EPB41L4A: variants seen among roughly 807,000 people sequenced by gnomAD.
EPB41L4A encodes the protein band 4.1-like protein 4A.
EPB41L4A carries 100 observed loss-of-function variants against 108.6 expected under a neutral mutation model. That is an observed-to-expected ratio of 0.92 (90% CI 0.78 to 1.09). EPB41L4A has a LOEUF of 1.09. EPB41L4A is among the 50% of genes least tolerant of loss of function. The pLI is 0.00. For missense variants in EPB41L4A, 1,030 were observed against 842.7 expected (o/e 1.22, Z -2.75); for synonymous variants, 319 against 289.0 (o/e 1.10, Z -1.05).
chr5:112,300,208 T>G (rs1020376632), intron 2 of EPB41L4A, among the ~76,000 whole-genome samples: 2 of 148,716 alleles, frequency 1.3e-5, no homozygotes, highest in Non-Finnish European at 1.5e-5. Context: ...CTGTATACCT[T>G]GTTTTTTCTT....
At chr5:112,346,476 C>A (rs947325353) in intron 1 of EPB41L4A, among the ~76,000 whole-genome samples, 5 of 152,138 alleles carry the variant, frequency 3.3e-5, no homozygotes, top group South Asian at 4.2e-4. Context: ...CCCACCTTAG[C>A]CTTCCAAAGT....
In EPB41L4A at chr5:112,336,816, G is replaced by A. The variant is rs559868349; in HGVS notation, c.100-29326C>T. Among the ~76,000 whole-genome samples the A allele has an allele frequency of 2.6e-5, 4 of 152,262 alleles. No homozygotes were observed. The South Asian group carries it at 6.2e-4, about 24-fold the overall frequency. On this transcript the variant is annotated intron_variant, in intron 1 of 22. Coordinates refer to ENST00000261486, the MANE Select transcript of EPB41L4A (RefSeq NM_022140.5). Reference sequence around the variant, plus strand: ...TTTCAGAATTGACAAATGTCCTAGAGGTATTTGGGGTCAATTACATGTCTT... The same window carrying A: ...TTTCAGAATTGACAAATGTCCTAGAAGTATTTGGGGTCAATTACATGTCTT...
At chr5:112,194,293 A>G (rs1761851598) in intron 17 of EPB41L4A, among the ~76,000 whole-genome samples, 3 of 152,098 alleles carry the variant, frequency 2.0e-5, no homozygotes, top group African/African-American at 4.8e-5. Flanking sequence ...GAAATTCACT[A>G]CACATTGTAG....
chr5:112,204,720 A>T (rs1762387603), intron 14 of EPB41L4A: 1 of 378,284 alleles, frequency 2.6e-6, no homozygotes, highest in Admixed American at 3.6e-5. Flanking sequence ...ACTAGCCTTC[A>T]GTAGTAAAAA....
intron 2 of EPB41L4A, among the ~76,000 whole-genome samples, chr5:112,297,661 T>C (rs1025402053): frequency 2.0e-5 from 3 of 152,164 alleles, no homozygotes; most frequent in Non-Finnish European, 4.4e-5. Flanking sequence ...TTTATCTTCA[T>C]TTTTGTTGCA....
intron 3 of EPB41L4A, 37 bp downstream of exon 3, chr5:112,280,234 CA>C: frequency 6.3e-7 from 1 of 1,589,594 alleles, no homozygotes; most frequent in Non-Finnish European, 8.6e-7. Context: ...TCATCGTTTT[CA>C]AGCCACCCTT....
At chr5:112,385,197 G>A (rs907085718) in intron 1 of EPB41L4A, among the ~76,000 whole-genome samples, 4 of 152,168 alleles carry the variant, frequency 2.6e-5, no homozygotes, top group African/African-American at 9.7e-5. Flanking sequence ...AAGTCCAACG[G>A]GGAAGTGGTG....
intron 12 of EPB41L4A, among the ~76,000 whole-genome samples, chr5:112,147,597 C>A (rs1385667650): frequency 1.3e-5 from 2 of 149,042 alleles, no homozygotes; most frequent in African/African-American, 5.0e-5. Context: ...AAGACTGCAC[C>A]ACTGCACTCC....
At chr5:112,190,357 C>T (rs1466957595) in intron 17 of EPB41L4A, among the ~76,000 whole-genome samples, 3 of 152,232 alleles carry the variant, frequency 2.0e-5, no homozygotes, top group East Asian at 3.9e-4. Context: ...ATAAAAACTA[C>T]AGACCCTATC....
chr5:112,214,529 C>CA lies in EPB41L4A; in HGVS notation c.1088-4548_1088-4547insT, dbSNP rs1268290620. ...CTGTAATCCCAGCACTTTGGGAGGCCGAGGCGGGCGGATCATGAGGTCAGG... is the reference window on the plus strand; with the variant it reads ...CTGTAATCCCAGCACTTTGGGAGGCCAGAGGCGGGCGGATCATGAGGTCAGG... On this transcript the variant is annotated intron_variant, in intron 12 of 22. Coordinates refer to ENST00000261486, the MANE Select transcript of EPB41L4A (RefSeq NM_022140.5). Among the ~76,000 whole-genome samples, 49 of 151,958 alleles carry CA rather than the reference C, an allele frequency of 3.2e-4. 1 individual carries two copies. Among genetic ancestry groups the CA allele is most frequent in the African/African-American group, 1.2e-3 (48 of 41,452 alleles).
chr5:112,234,049 T>C (rs1749148711), intron 12 of EPB41L4A, among the ~76,000 whole-genome samples: 1 of 151,888 alleles, frequency 6.6e-6, no homozygotes, highest in Non-Finnish European at 1.5e-5. Flanking sequence ...CCAGGCATGG[T>C]GGTTCATGCC....
At chr5:112,152,832 C>G (rs1759518119) in intron 12 of EPB41L4A, among the ~76,000 whole-genome samples, 1 of 151,944 alleles carries the variant, frequency 6.6e-6, no homozygotes, top group Non-Finnish European at 1.5e-5. Flanking sequence ...AAAAAAATTA[C>G]CAGATTCAAA....
At chr5:112,298,757 A>G (rs990053620) in intron 2 of EPB41L4A, among the ~76,000 whole-genome samples, 1 of 152,126 alleles carries the variant, frequency 6.6e-6, no homozygotes, top group African/African-American at 2.4e-5. Context: ...GCAGAATTCA[A>G]CTTGAATCCA....
At position 112,234,759 on chromosome 5, in the gene EPB41L4A, G is replaced by A. The variant is rs762526120; in HGVS notation, c.966-4C>T. ...CATTTGCAAAGCTGTCCTGCCACTT[G>A]AGAGTGCAACATTTTGATTAGCAAA... On this transcript the variant is annotated splice_region_variant and splice_polypyrimidine_tract_variant and intron_variant, in intron 11 of 22. Coordinates refer to ENST00000261486, the MANE Select transcript of EPB41L4A (RefSeq NM_022140.5). 9 of 1,608,484 alleles carry A rather than the reference G, an allele frequency of 5.6e-6. No homozygotes were observed. Among genetic ancestry groups the A allele is most frequent in the Admixed American group, 1.7e-5 (1 of 59,800 alleles).
intron 12 of EPB41L4A, among the ~76,000 whole-genome samples, chr5:112,225,277 T>C (rs889309989): frequency 4.6e-5 from 7 of 152,240 alleles, no homozygotes; most frequent in African/African-American, 1.4e-4. Context: ...AGGACTTATA[T>C]GCCATCTTAT....
intron 4 of EPB41L4A, among the ~76,000 whole-genome samples, chr5:112,273,649 G>C (rs1001235002): frequency 6.6e-6 from 1 of 152,234 alleles, no homozygotes; most frequent in Non-Finnish European, 1.5e-5. Context: ...CCTTGAAACA[G>C]GTACATCTCC....
At chr5:112,166,897 T>C (rs1760279290) in intron 22 of EPB41L4A, among the ~76,000 whole-genome samples, 1 of 152,214 alleles carries the variant, frequency 6.6e-6, no homozygotes, top group Non-Finnish European at 1.5e-5. Flanking sequence ...CTCAGACCAG[T>C]GCTCAACACT....
chr5:112,406,183 A>T (rs1409228371), intron 1 of EPB41L4A, among the ~76,000 whole-genome samples: 1 of 152,224 alleles, frequency 6.6e-6, no homozygotes, highest in African/African-American at 2.4e-5. Context: ...GAAGCACAAA[A>T]TAATCATTAT....
At position 112,275,391 on chromosome 5, in the gene EPB41L4A, A is replaced by T; in HGVS notation, c.270T>A (p.Tyr90Ter). The T allele has an allele frequency of 6.5e-7, 1 of 1,541,972 alleles. No individual in the cohort carries two copies. Residue 90 changes from tyrosine to a stop codon, truncating the protein, a stop_gained, in exon 4 of 23, where the codon TAT becomes TAA. Transcript: ENST00000261486. LOFTEE classifies it high-confidence loss of function. The stretch of plus-strand genomic sequence containing the variant: ...AGAATTTAATACCAAAATACAAAGT[A>T]TATGGAGGTCCAGCTAAAATAAGAA... ...HKELINTGPP[Y>*]TLYFGIKFYA... is the part of the protein sequence containing the mutation.
Sources: gnomAD v4.1 joint callset for allele counts (sites outside exome capture counted in the v4.1 genomes callset) on GRCh38, gnomAD v4.1.1 for gene constraint, MANE v1.5 for transcripts, NCBI Gene and HGNC (gene_info 2026-07-23, HGNC 2026-07-21) for gene names.